NEGR1: variants seen among roughly 807,000 people sequenced by gnomAD.
NEGR1 encodes the protein neuronal growth regulator 1.
A neutral mutation model predicts 40.9 loss-of-function variants in NEGR1; 10 were observed. That is an observed-to-expected ratio of 0.24 (90% CI 0.15 to 0.42). NEGR1 has a LOEUF of 0.42. NEGR1 is among the 10% of genes least tolerant of loss of function. NEGR1 has a pLI of 1.00. For missense variants in NEGR1, 352 were observed against 438.9 expected, an observed-to-expected ratio of 0.80 and a Z score of 1.77; for synonymous variants, 185 against 166.8, an observed-to-expected ratio of 1.11 and a Z score of -0.84.
At chr1:71,798,584 A>C (rs1657426972) in intron 2 of NEGR1, among the ~76,000 whole-genome samples, 1 of 152,190 alleles carries the variant, frequency 6.6e-6, no homozygotes, top group East Asian at 1.9e-4. Flanking sequence ...TTTCACTCCT[A>C]TTTTGCTGAT....
At chr1:72,255,628 C>A (rs1206731819) in intron 1 of NEGR1, among the ~76,000 whole-genome samples, 1 of 148,612 alleles carries the variant, frequency 6.7e-6, no homozygotes, top group Non-Finnish European at 1.5e-5. Context: ...CAGCTCACTG[C>A]AACCTCCGCC....
At chr1:71,737,408 G>C (rs1384623454) in intron 3 of NEGR1, among the ~76,000 whole-genome samples, 1 of 149,570 alleles carries the variant, frequency 6.7e-6, no homozygotes, top group Non-Finnish European at 1.5e-5. Flanking sequence ...GGCCTTAGTT[G>C]CATCCCTCGA....
intron 6 of NEGR1, among the ~76,000 whole-genome samples, chr1:71,515,642 C>T (rs79420742): frequency 1.0e-5 from 1 of 98,616 alleles, no homozygotes; most frequent in Non-Finnish European, 1.9e-5. Flanking sequence ...AAAGACCATC[C>T]AGACTAGGAA....
At chr1:71,620,985 C>T (rs1482415910) in intron 4 of NEGR1, among the ~76,000 whole-genome samples, 1 of 151,908 alleles carries the variant, frequency 6.6e-6, no homozygotes, top group African/African-American at 2.4e-5. Context: ...GAAAATGCTT[C>T]ATACTGCTTT....
chr1:72,012,975 A>G (rs981321193), intron 1 of NEGR1, among the ~76,000 whole-genome samples: 1 of 151,594 alleles, frequency 6.6e-6, no homozygotes, highest in Non-Finnish European at 1.5e-5. Context: ...GGAAAAAAAA[A>G]CAGATTAATA....
At chr1:71,572,694 C>A (rs749402347) in intron 6 of NEGR1, among the ~76,000 whole-genome samples, 1 of 152,034 alleles carries the variant, frequency 6.6e-6, no homozygotes, top group African/African-American at 2.4e-5. Context: ...TTTGCAAATG[C>A]GTAAGTGTAC....
chr1:72,096,039 C>A (rs1457926161), intron 1 of NEGR1, among the ~76,000 whole-genome samples: 1 of 151,816 alleles, frequency 6.6e-6, no homozygotes, highest in South Asian at 2.1e-4. Context: ...CTTGCTAAGA[C>A]TTTACGAGGC....
chr1:72,082,471 G>A (rs1458579354), intron 1 of NEGR1, among the ~76,000 whole-genome samples: 2 of 152,054 alleles, frequency 1.3e-5, no homozygotes, highest in East Asian at 3.9e-4. Flanking sequence ...AGAGAAATTT[G>A]TTATTTCTTC....
intron 2 of NEGR1, among the ~76,000 whole-genome samples, chr1:71,923,019 T>C (rs1000707142): frequency 3.9e-5 from 6 of 151,998 alleles, no homozygotes; most frequent in Admixed American, 1.3e-4. Flanking sequence ...AGAGAAAAAA[T>C]ACAGAAGAAT....
chr1:72,059,730 C>T (rs902644062), intron 1 of NEGR1, among the ~76,000 whole-genome samples: 1 of 151,482 alleles, frequency 6.6e-6, no homozygotes, highest in Non-Finnish European at 1.5e-5. Flanking sequence ...CTTTAGTCTC[C>T]TGCATATTAA....
At chr1:71,605,351 T>C (rs908083303) in intron 5 of NEGR1, among the ~76,000 whole-genome samples, 1 of 152,162 alleles carries the variant, frequency 6.6e-6, no homozygotes, top group African/African-American at 2.4e-5. Flanking sequence ...AGAAAGCATG[T>C]ATTTCTAGAC....
chr1:71,657,997 C>A (rs1651931558), intron 4 of NEGR1, among the ~76,000 whole-genome samples: 3 of 152,278 alleles, frequency 2.0e-5, no homozygotes, highest in Admixed American at 1.3e-4. Context: ...TTTCTCTCTG[C>A]CAAATGACTT....
chr1:71,552,538 G>T (rs960245761), intron 6 of NEGR1, among the ~76,000 whole-genome samples: 6 of 146,728 alleles, frequency 4.1e-5, no homozygotes, highest in African/African-American at 1.5e-4. Flanking sequence ...ATATATATAG[G>T]ATATAGTCTA....
chr1:71,918,171 T>G (rs1456131762), intron 2 of NEGR1, among the ~76,000 whole-genome samples: 1 of 124,152 alleles, frequency 8.1e-6, no homozygotes, highest in East Asian at 2.6e-4. Context: ...GAGCCGAGAT[T>G]GCGCCACTGC....
intron 6 of NEGR1, among the ~76,000 whole-genome samples, chr1:71,579,667 A>G (rs1318765814): frequency 6.7e-6 from 1 of 150,098 alleles, no homozygotes; most frequent in Non-Finnish European, 1.5e-5. Context: ...ACCTATTTCA[A>G]AGCAGTTTAA....
intron 3 of NEGR1, among the ~76,000 whole-genome samples, chr1:71,731,419 T>G (rs1312851963): frequency 6.6e-6 from 1 of 152,166 alleles, no homozygotes; most frequent in Non-Finnish European, 1.5e-5. Context: ...CACCCTGGTG[T>G]CTGAAATTAT....
At chr1:71,877,606 T>C (rs994211603) in intron 2 of NEGR1, among the ~76,000 whole-genome samples, 5 of 152,184 alleles carry the variant, frequency 3.3e-5, no homozygotes, top group African/African-American at 9.6e-5. Flanking sequence ...AGTTACATCC[T>C]GAGGTACTGA....
intron 6 of NEGR1, among the ~76,000 whole-genome samples, chr1:71,522,730 TACAC>T (rs3980477): frequency 1.2e-4 from 17 of 144,382 alleles, no homozygotes; most frequent in African/African-American, 3.6e-4. Flanking sequence ...ACCCCCCCCT[TACAC>T]ACACACACAC....
At chr1:72,020,202 G>A (rs536094173) in intron 1 of NEGR1, among the ~76,000 whole-genome samples, 1 of 152,242 alleles carries the variant, frequency 6.6e-6, no homozygotes, top group East Asian at 1.9e-4. Flanking sequence ...GAAATTAAGG[G>A]TAACAAAATC....
Sources: allele counts gnomAD v4.1 joint callset (sites outside exome capture counted in the v4.1 genomes callset), GRCh38; gene constraint gnomAD v4.1.1; transcripts MANE v1.5; gene names NCBI Gene and HGNC (gene_info 2026-07-23, HGNC 2026-07-21).